The following NGEF variants were observed in gnomAD, a reference collection of about 807,000 sequenced individuals.
The protein encoded by NGEF is ephexin-1.
NGEF carries 31 observed loss-of-function variants against 80.9 expected under a neutral mutation model. The observed-to-expected ratio is 0.38, with a 90% confidence interval of 0.29 to 0.52. NGEF has a LOEUF of 0.52. NGEF is among the 20% of genes least tolerant of loss of function. NGEF has a pLI of 0.84. For synonymous variants in NGEF, 371 were observed against 370.2 expected (o/e 1.00, Z -0.03); for missense variants, 709 against 926.2 (o/e 0.77, Z 3.04).
chr2:232,901,531 ATCTGCG>A, intron 5 of NGEF: 1 of 778,304 alleles, frequency 1.3e-6, no homozygotes, highest in Non-Finnish European at 1.6e-6. Flanking sequence ...CCAGGGTGAC[ATCTGCG>A]GGGGTCGGAG....
At chr2:232,946,019 T>A (rs988708775) in intron 3 of NGEF, among the ~76,000 whole-genome samples, 3 of 149,692 alleles carry the variant, frequency 2.0e-5, no homozygotes, top group African/African-American at 2.4e-5. Flanking sequence ...ATATATATTC[T>A]ATATATATCT....
intron 3 of NGEF, among the ~76,000 whole-genome samples, chr2:232,962,244 G>C (rs1693967814): frequency 6.6e-6 from 1 of 152,194 alleles, no homozygotes. Context: ...CTATTGAAAA[G>C]AAAGAAATAT....
intron 3 of NGEF, among the ~76,000 whole-genome samples, chr2:232,948,432 T>C (rs896056417): frequency 2.6e-5 from 4 of 152,138 alleles, no homozygotes; most frequent in Non-Finnish European, 4.4e-5. Context: ...TAGAAGGATG[T>C]CTTTATTCTT....
At chr2:232,950,572 C>G (rs1232453476) in intron 3 of NGEF, among the ~76,000 whole-genome samples, 1 of 152,098 alleles carries the variant, frequency 6.6e-6, no homozygotes, top group Non-Finnish European at 1.5e-5. Context: ...GGCCTTTGGT[C>G]CACCCCTGCC....
At chr2:233,009,815 C>T (rs1000330362) in intron 1 of NGEF, among the ~76,000 whole-genome samples, 4 of 152,100 alleles carry the variant, frequency 2.6e-5, no homozygotes, top group Non-Finnish European at 4.4e-5. Flanking sequence ...CCATCCAGAC[C>T]CCCACTCTCA....
chr2:232,879,213 A>C lies in NGEF; in HGVS notation c.*276T>G. 2.9e-6 allele frequency: 1 copy of C among 347,608 alleles called. No homozygotes were observed. The highest frequency in any genetic ancestry group is 5.3e-6 in the Non-Finnish European group (1 of 189,432). The allele number at this position is 347,608 out of a possible 1,614,324, so 21.5% of individuals were successfully genotyped here. The stretch of plus-strand genomic sequence containing the variant: ...CCCTGGAGTGTGCCCACCCCCTTCC[A>C]CCCCCTCGGAGGCATGAGGGAGGTG... On this transcript the variant is annotated 3_prime_UTR_variant, in exon 15 of 15. Transcript: ENST00000264051.
chr2:232,995,078 ATGTG>A (rs1184674399), intron 1 of NGEF, among the ~76,000 whole-genome samples: 10 of 28,134 alleles, frequency 3.6e-4, no homozygotes, highest in South Asian at 1.1e-3. Context: ...TATACTGTAT[ATGTG>A]TACAGTATGT....
Position 232,894,741 on chromosome 2 carries a change from C to T in NGEF, c.989+15G>A. The T allele has an allele frequency of 6.5e-7, 1 of 1,527,930 alleles. No homozygotes were observed. The allele number at this position is 1,527,930 out of a possible 1,614,324, so 94.6% of individuals were successfully genotyped here. ...GAAGGGCCCTGAGGGAGGTGGCTGTCCCCCCCGTCCTCACCGCTCACTGAC... is the reference window on the plus strand; with the variant it reads ...GAAGGGCCCTGAGGGAGGTGGCTGTTCCCCCCGTCCTCACCGCTCACTGAC... On this transcript the variant is annotated intron_variant, in intron 6 of 14. Coordinates refer to ENST00000264051, the MANE Select transcript of NGEF (RefSeq NM_019850.3).
chr2:232,890,974 G>A (rs758008154), intron 8 of NGEF: 22 of 474,948 alleles, frequency 4.6e-5, no homozygotes, highest in South Asian at 1.9e-4. Flanking sequence ...TTCCCTCTGC[G>A]TGGAATGTTC....
At chr2:233,008,184 G>A (rs1376724315) in intron 1 of NGEF, among the ~76,000 whole-genome samples, 1 of 152,150 alleles carries the variant, frequency 6.6e-6, no homozygotes, top group African/African-American at 2.4e-5. Flanking sequence ...ATCTATTTTC[G>A]CTCAGCAACA....
intron 3 of NGEF, among the ~76,000 whole-genome samples, chr2:232,942,340 G>C (rs1023152704): frequency 4.6e-5 from 7 of 152,192 alleles, no homozygotes; most frequent in Non-Finnish European, 1.0e-4. Context: ...TCGCTGTGAG[G>C]GGCAGAGCAC....
At chr2:232,882,561 C>T (rs866915147) in intron 12 of NGEF, among the ~76,000 whole-genome samples, 5 of 152,256 alleles carry the variant, frequency 3.3e-5, no homozygotes, top group Admixed American at 6.5e-5. Flanking sequence ...CACCAAGTAA[C>T]GCGTAAGAGC....
At chr2:232,957,957 A>G (rs895431195) in intron 3 of NGEF, among the ~76,000 whole-genome samples, 5 of 152,260 alleles carry the variant, frequency 3.3e-5, no homozygotes, top group African/African-American at 9.6e-5. Context: ...ACTGTGAAAC[A>G]TAAGTCACAG....
chr2:232,962,178 T>C (rs1345882591), intron 3 of NGEF, among the ~76,000 whole-genome samples: 1 of 152,240 alleles, frequency 6.6e-6, no homozygotes, highest in Admixed American at 6.5e-5. Context: ...TATTCAGCAC[T>C]ATGATTGAAG....
intron 1 of NGEF, among the ~76,000 whole-genome samples, chr2:232,990,553 C>T (rs977667662): frequency 1.3e-5 from 2 of 152,012 alleles, no homozygotes; most frequent in African/African-American, 4.8e-5. Context: ...CCAAAATTAG[C>T]TCAAACTTTT....
At chr2:232,906,069 TGA>T (rs1692514886) in intron 5 of NGEF, among the ~76,000 whole-genome samples, 6 of 100,102 alleles carry the variant, frequency 6.0e-5, no homozygotes, top group South Asian at 3.4e-4. Flanking sequence ...GGGAGGGAGG[TGA>T]GGGGGTCAGC....
intron 3 of NGEF, among the ~76,000 whole-genome samples, chr2:232,947,375 T>G (rs1298791891): frequency 2.0e-5 from 3 of 152,174 alleles, no homozygotes; most frequent in Non-Finnish European, 4.4e-5. Context: ...GATCTGGCTC[T>G]GTGTCCTCAC....
chr2:232,900,576 ACGCTCT>A (rs1559200109), intron 5 of NGEF, among the ~76,000 whole-genome samples: 1 of 115,644 alleles, frequency 8.6e-6, no homozygotes, highest in African/African-American at 3.6e-5. Flanking sequence ...ACTCACACAC[ACGCTCT>A]CACAGTCACT....
At position 233,007,480 on chromosome 2, in the gene NGEF, G is replaced by A. The variant is rs141304660; in HGVS notation, c.-75+5588C>T. Among the ~76,000 whole-genome samples the A allele has an allele frequency of 5.1e-4, 77 of 152,272 alleles. 1 individual carries two copies. Among genetic ancestry groups the A allele is most frequent in the African/African-American group, 1.7e-3 (70 of 41,552 alleles). On this transcript the variant is annotated intron_variant, in intron 1 of 14. Coordinates refer to ENST00000264051, the MANE Select transcript of NGEF (RefSeq NM_019850.3). Reference sequence around the variant, plus strand: ...GGGACAACTCACAGAGAAGAGCAGCGCAAACTGGTGCCTAGTGAAGGCTGA... The same window carrying A: ...GGGACAACTCACAGAGAAGAGCAGCACAAACTGGTGCCTAGTGAAGGCTGA...
Sources: gnomAD v4.1 joint callset for allele counts (sites outside exome capture counted in the v4.1 genomes callset) on GRCh38, gnomAD v4.1.1 for gene constraint, MANE v1.5 for transcripts, NCBI Gene and HGNC (gene_info 2026-07-23, HGNC 2026-07-21) for gene names.